Variants in NRXN1 observed in about 807,000 individuals in gnomAD.
NRXN1 encodes the protein neurexin 1, also known as neurexin-1.
NRXN1 carries 39 observed loss-of-function variants against 150.9 expected under a neutral mutation model. That is an observed-to-expected ratio of 0.26 (90% CI 0.20 to 0.34). NRXN1 has a LOEUF of 0.34. Ranked by LOEUF, NRXN1 falls within the 10% of genes least tolerant of loss-of-function variation. NRXN1 has a pLI of 1.00. For synonymous variants in NRXN1, 924 were observed against 757.0 expected (o/e 1.22, Z -3.62); for missense variants, 1,815 against 1,949.9 (o/e 0.93, Z 1.30).
At chr2:50,287,839 T>A (rs1037046617) in intron 17 of NRXN1, among the ~76,000 whole-genome samples, 1 of 152,162 alleles carries the variant, frequency 6.6e-6, no homozygotes, top group African/African-American at 2.4e-5. Flanking sequence ...AAATATTACT[T>A]AGTATGTATT....
intron 22 of NRXN1, among the ~76,000 whole-genome samples, chr2:49,936,748 G>A (rs1671095621): frequency 6.7e-6 from 1 of 148,290 alleles, no homozygotes; most frequent in Non-Finnish European, 1.5e-5. Context: ...TCAAACCTCA[G>A]AAAAGGGTCA....
At chr2:50,421,276 T>G in intron 17 of NRXN1, among the ~76,000 whole-genome samples, 1 of 151,514 alleles carries the variant, frequency 6.6e-6, no homozygotes, top group South Asian at 2.1e-4. Flanking sequence ...ATTTTCAATT[T>G]CAAAACTGTT....
intron 8 of NRXN1, among the ~76,000 whole-genome samples, chr2:50,605,070 C>T (rs1321473040): frequency 6.6e-6 from 1 of 152,118 alleles, no homozygotes; most frequent in East Asian, 1.9e-4. Flanking sequence ...AATTACATTA[C>T]AGTAGCAATA....
chr2:50,372,580 G>T (rs2080108238), intron 17 of NRXN1, among the ~76,000 whole-genome samples: 1 of 152,018 alleles, frequency 6.6e-6, no homozygotes, highest in Admixed American at 6.6e-5. Context: ...AAAAACCTCA[G>T]ATTTATAAAA....
At chr2:50,222,770 GATA>G (rs1397531033) in intron 18 of NRXN1, among the ~76,000 whole-genome samples, 1 of 151,726 alleles carries the variant, frequency 6.6e-6, no homozygotes, top group African/African-American at 2.4e-5. Context: ...GTATGCACAT[GATA>G]ATATTTCATC....
intron 6 of NRXN1, 40 bp from the exon 7 acceptor site, chr2:50,621,289 G>A (rs369223269): frequency 2.3e-5 from 34 of 1,477,284 alleles, no homozygotes; most frequent in Non-Finnish European, 3.1e-5. Flanking sequence ...TAAAAACTGT[G>A]AACAGAATAA....
intron 18 of NRXN1, among the ~76,000 whole-genome samples, chr2:50,228,153 G>C (rs1016948345): frequency 5.3e-5 from 8 of 151,892 alleles, no homozygotes; most frequent in African/African-American, 1.4e-4. Context: ...ATTATGAAAA[G>C]ATAATAGAAA....
intron 21 of NRXN1, among the ~76,000 whole-genome samples, chr2:50,045,215 A>T (rs887046448): frequency 6.6e-6 from 1 of 152,252 alleles, no homozygotes; most frequent in Non-Finnish European, 1.5e-5. Flanking sequence ...ATGATAAAAC[A>T]TGTAAGAAAT....
At chr2:50,667,543 T>C (rs1354658973) in intron 5 of NRXN1, among the ~76,000 whole-genome samples, 2 of 151,988 alleles carry the variant, frequency 1.3e-5, no homozygotes, top group Non-Finnish European at 2.9e-5. Flanking sequence ...CAGGATAGAA[T>C]GTAATATAAA....
intron 5 of NRXN1, among the ~76,000 whole-genome samples, chr2:50,855,621 A>G (rs1239750960): frequency 6.6e-6 from 1 of 152,078 alleles, no homozygotes; most frequent in African/African-American, 2.4e-5. Context: ...TGTATGGCCC[A>G]ATAGCAAGAT....
In NRXN1 at chr2:50,623,492, C is replaced by T; in HGVS notation, c.956G>A (p.Gly319Glu). The T allele has an allele frequency of 6.2e-7, 1 of 1,613,426 alleles. No homozygotes were observed. The highest frequency in any genetic ancestry group is 1.1e-5 in the South Asian group (1 of 91,072). ...TLSFKTLQRNGLMLHTGKSAD... is the reference protein window; with the variant it reads ...TLSFKTLQRNELMLHTGKSAD... ...CGATTTCCCAGTGTGAAGCATCAGTCCATTCCTCTGAAGGGTTTTAAATGA... is the reference window on the plus strand; with the variant it reads ...CGATTTCCCAGTGTGAAGCATCAGTTCATTCCTCTGAAGGGTTTTAAATGA... Residue 319 changes from glycine (G) to glutamate (E), a missense_variant, in exon 6 of 23, where the codon GGA becomes GAA. Around this residue, in one of 6 missense-constraint regions of NRXN1, gnomAD observed 554 missense variants for 478.8 expected, o/e 1.16. Transcript: ENST00000401669.
At chr2:49,935,214 T>C (rs914865315) in intron 22 of NRXN1, among the ~76,000 whole-genome samples, 5 of 152,206 alleles carry the variant, frequency 3.3e-5, no homozygotes, top group African/African-American at 1.2e-4. Flanking sequence ...ATTTTGCAGA[T>C]GTAAAAAGCT....
At position 49,921,857 on chromosome 2, in the gene NRXN1, C is replaced by T. The variant is rs967864003; in HGVS notation, c.*87G>A. 1 of 1,365,032 alleles carries T rather than the reference C, an allele frequency of 7.3e-7. No individual in the cohort carries two copies. The highest frequency in any genetic ancestry group is 2.0e-5 in the Admixed American group (1 of 50,492). 84.6% of individuals were successfully genotyped at this position (1,365,032 alleles called of 1,614,324 possible). A position where few individuals can be genotyped will look rare whatever the true frequency, so the allele number is the denominator to read the frequency against. ...TCCCTGTCTTCTTTTGTATGTGCTT[C>T]ATAAAAAGGAAAGTAAATAAGTTTA... On this transcript the variant is annotated 3_prime_UTR_variant, in exon 23 of 23. Coordinates refer to ENST00000401669, the MANE Select transcript of NRXN1 (RefSeq NM_001330078.2).
chr2:50,293,459 C>A (rs2073187188), intron 17 of NRXN1, among the ~76,000 whole-genome samples: 1 of 152,124 alleles, frequency 6.6e-6, no homozygotes, highest in African/African-American at 2.4e-5. Flanking sequence ...GGTAGCCCTG[C>A]ATAGGGAAGA....
At chr2:50,470,466 A>G (rs2089353253) in intron 16 of NRXN1, among the ~76,000 whole-genome samples, 1 of 151,870 alleles carries the variant, frequency 6.6e-6, no homozygotes, top group South Asian at 2.1e-4. Flanking sequence ...ACTGAAATAC[A>G]GTTTAAATTT....
chr2:50,668,705 T>C (rs1295895268), intron 5 of NRXN1, among the ~76,000 whole-genome samples: 1 of 151,992 alleles, frequency 6.6e-6, no homozygotes, highest in African/African-American at 2.4e-5. Flanking sequence ...GTGTAAAAGT[T>C]TGGAACGCAT....
intron 17 of NRXN1, among the ~76,000 whole-genome samples, chr2:50,342,535 AG>A (rs1300824714): frequency 2.0e-5 from 3 of 152,360 alleles, no homozygotes; most frequent in Admixed American, 6.5e-5. Context: ...AAAAGAGTAA[AG>A]GGATTACTCT....
At chr2:50,046,747 T>C (rs1188067244) in intron 21 of NRXN1, among the ~76,000 whole-genome samples, 1 of 152,122 alleles carries the variant, frequency 6.6e-6, no homozygotes, top group Non-Finnish European at 1.5e-5. Context: ...TTTTGGCTTC[T>C]GGAGTCAACG....
chr2:50,460,382 G>C (rs1330480361), intron 17 of NRXN1, among the ~76,000 whole-genome samples: 1 of 152,074 alleles, frequency 6.6e-6, no homozygotes. Context: ...AGGCTGCTGA[G>C]AGTTGAATCA....
Sources: gnomAD v4.1 joint callset for allele counts (sites outside exome capture counted in the v4.1 genomes callset) on GRCh38, gnomAD v4.1.1 for gene constraint, gnomAD v4.1.1 regional missense constraint, MANE v1.5 for transcripts, NCBI Gene and HGNC (gene_info 2026-07-23, HGNC 2026-07-21) for gene names.